The following TMEM132B variants were observed in gnomAD, a reference collection of about 807,000 sequenced individuals.
The protein encoded by TMEM132B is transmembrane protein 132B.
A neutral mutation model predicts 90.8 loss-of-function variants in TMEM132B; 18 were observed. The observed-to-expected ratio is 0.20, with a 90% CI of 0.14 to 0.29. TMEM132B has a LOEUF of 0.29. Ranked by LOEUF, TMEM132B falls within the 10% of genes least tolerant of loss-of-function variation. The probability of loss-of-function intolerance (pLI) is 1.00; values close to 1 mark genes in which losing one functional copy is unlikely to be tolerated. For missense variants in TMEM132B, 1,096 were observed against 1,326.8 expected, an observed-to-expected ratio of 0.83 and a Z score of 2.70; for synonymous variants, 504 against 523.3, an observed-to-expected ratio of 0.96 and a Z score of 0.50.
chr12:125,512,254 G>C (rs552750743), intron 3 of TMEM132B, among the ~76,000 whole-genome samples: 1 of 152,182 alleles, frequency 6.6e-6, no homozygotes, highest in Non-Finnish European at 1.5e-5. Context: ...GCCCCAGCTG[G>C]TTATTACCAC....
chr12:125,573,125 C>T (rs1884843478), intron 4 of TMEM132B, among the ~76,000 whole-genome samples: 1 of 152,106 alleles, frequency 6.6e-6, no homozygotes, highest in African/African-American at 2.4e-5. Flanking sequence ...TTATTGGAGA[C>T]TGGTTTTTAG....
intron 2 of TMEM132B, among the ~76,000 whole-genome samples, chr12:125,373,855 G>T (rs958638553): frequency 6.6e-6 from 1 of 152,152 alleles, no homozygotes; most frequent in Non-Finnish European, 1.5e-5. Flanking sequence ...AGTTCAGTGG[G>T]GTGATCTTGG....
At chr12:125,435,555 G>A (rs763428131) in intron 3 of TMEM132B, among the ~76,000 whole-genome samples, 7 of 152,226 alleles carry the variant, frequency 4.6e-5, no homozygotes, top group Non-Finnish European at 7.3e-5. Context: ...CCTCCCAAGA[G>A]CCAGGCACTA....
At chr12:125,241,578 T>A (rs566045137) in intron 1 of TMEM132B, among the ~76,000 whole-genome samples, 2 of 152,320 alleles carry the variant, frequency 1.3e-5, no homozygotes, top group East Asian at 3.9e-4. Context: ...TGTACGACAG[T>A]GGGTTTCCAG....
chr12:125,523,612 C>A (rs929510028), intron 4 of TMEM132B, among the ~76,000 whole-genome samples: 3 of 152,238 alleles, frequency 2.0e-5, no homozygotes, highest in African/African-American at 7.2e-5. Context: ...TATTTTCCTA[C>A]CACACTTGCT....
In TMEM132B at chr12:125,573,499, A is replaced by G. The variant is rs192399195; in HGVS notation, c.1294-10352A>G. ...GGAAAACAAACCTAACTAGAATTCAATCTGTGTTTACAGTTATTTTTATCT... is the reference window on the plus strand; with the variant it reads ...GGAAAACAAACCTAACTAGAATTCAGTCTGTGTTTACAGTTATTTTTATCT... On this transcript the variant is annotated intron_variant, in intron 4 of 8. Transcript: ENST00000682704. 4.3e-4 allele frequency among the ~76,000 whole-genome samples: 65 copies of G among 152,342 alleles called. 1 individual carries two copies. Among genetic ancestry groups the G allele is most frequent in the Admixed American group, 2.6e-3 (40 of 15,304 alleles).
chr12:125,349,367 G>A lies in TMEM132B; in HGVS notation c.68-85G>A. ...AACAGTGGCCAGTGGGCGGTTTGTT[G>A]GGGAGGTGGGTGGAGACTGCACTGC... On this transcript the variant is annotated intron_variant, in intron 1 of 8. Coordinates refer to ENST00000682704, the MANE Select transcript of TMEM132B (RefSeq NM_001366854.1). This position sits in a 1 kb window ranked among gnomAD's most constrained non-coding sequence, Gnocchi z 4.1. 1 of 1,467,302 alleles carries A rather than the reference G, an allele frequency of 6.8e-7. No homozygotes were observed. 90.9% of individuals were successfully genotyped at this position (1,467,302 alleles called of 1,614,324 possible). A position where few individuals can be genotyped will look rare whatever the true frequency, so the allele number is the denominator to read the frequency against.
chr12:125,651,134 C>A (rs1431204151), intron 7 of TMEM132B, among the ~76,000 whole-genome samples, 181 bp downstream of exon 7: 1 of 152,216 alleles, frequency 6.6e-6, no homozygotes, highest in Non-Finnish European at 1.5e-5. Flanking sequence ...ATAGAGCATT[C>A]ACCAATTTTA....
At chr12:125,593,588 C>G (rs1235826825) in intron 5 of TMEM132B, among the ~76,000 whole-genome samples, 1 of 152,094 alleles carries the variant, frequency 6.6e-6, no homozygotes, top group Non-Finnish European at 1.5e-5. Flanking sequence ...CAGGCCTGAT[C>G]CAATATGGCT....
chr12:125,645,700 T>C (rs1886748938), intron 6 of TMEM132B, among the ~76,000 whole-genome samples: 1 of 152,192 alleles, frequency 6.6e-6, no homozygotes. Context: ...AACTTGTGAA[T>C]CTCTGTGTAG....
At position 125,415,754 on chromosome 12, in the gene TMEM132B, G is replaced by A; in HGVS notation, c.1106+77G>A. 2 of 1,556,194 alleles carry A rather than the reference G, an allele frequency of 1.3e-6. No homozygotes were observed. Among genetic ancestry groups the A allele is most frequent in the Non-Finnish European group, 1.7e-6 (2 of 1,150,264 alleles). On this transcript the variant is annotated intron_variant, in intron 3 of 8. Coordinates refer to ENST00000682704, the MANE Select transcript of TMEM132B (RefSeq NM_001366854.1). The surrounding 1 kb of genome is among the most constrained non-coding windows in gnomAD (Gnocchi z 5.3). ...CTGCCAGAGCTGATAGCAAAATAAT[G>A]TGCGTGTGGATAAAGCGATGCCTCT... is the stretch of plus-strand genomic sequence containing the variant.
At chr12:125,366,520 A>G (rs1423259768) in intron 2 of TMEM132B, among the ~76,000 whole-genome samples, 2 of 152,138 alleles carry the variant, frequency 1.3e-5, no homozygotes, top group African/African-American at 4.8e-5. Flanking sequence ...ATAATTTCTG[A>G]TAAGAAGTCA....
intron 3 of TMEM132B, among the ~76,000 whole-genome samples, chr12:125,504,796 G>A (rs1465777159): frequency 6.6e-6 from 1 of 152,060 alleles, no homozygotes; most frequent in Non-Finnish European, 1.5e-5. Flanking sequence ...CCCATGCAGG[G>A]AAGCTGAATT....
chr12:125,320,952 A>G (rs918297769), intron 1 of TMEM132B, among the ~76,000 whole-genome samples: 2 of 152,230 alleles, frequency 1.3e-5, no homozygotes, highest in African/African-American at 2.4e-5. Context: ...GAGCTCATTT[A>G]TAACTTTATT....
intron 1 of TMEM132B, among the ~76,000 whole-genome samples, chr12:125,223,029 G>A (rs1873594933): frequency 6.6e-6 from 1 of 152,224 alleles, no homozygotes; most frequent in African/African-American, 2.4e-5. Context: ...AATCTTGCAA[G>A]AAATGTAGGA....
At chr12:125,299,908 A>G (rs2136159898) in intron 1 of TMEM132B, among the ~76,000 whole-genome samples, 1 of 152,326 alleles carries the variant, frequency 6.6e-6, no homozygotes, top group South Asian at 2.1e-4. Flanking sequence ...CAATCAGATT[A>G]TGCCATTTCC....
At position 125,213,427 on chromosome 12, in the gene TMEM132B, C is replaced by T. The variant is rs901510786; in HGVS notation, c.67+26561C>T. Among the ~76,000 whole-genome samples the T allele has an allele frequency of 4.6e-5, 7 of 152,208 alleles. No homozygotes were observed. Among genetic ancestry groups the T allele is most frequent in the Non-Finnish European group, 7.3e-5 (5 of 68,040 alleles). On this transcript the variant is annotated intron_variant, in intron 1 of 8. Coordinates refer to ENST00000682704, the MANE Select transcript of TMEM132B (RefSeq NM_001366854.1). The surrounding 1 kb of genome is among the most constrained non-coding windows in gnomAD (Gnocchi z 4.2). Reference sequence around the variant, plus strand: ...GTTTGAGCACCTGTTTTCATTCTTTCTGGTATACCTGGGTAATTTTTAAAA... The same window carrying T: ...GTTTGAGCACCTGTTTTCATTCTTTTTGGTATACCTGGGTAATTTTTAAAA...
intron 3 of TMEM132B, among the ~76,000 whole-genome samples, chr12:125,439,388 A>G (rs527568691): frequency 1.3e-4 from 20 of 152,086 alleles, no homozygotes; most frequent in Non-Finnish European, 2.1e-4. Context: ...TTTCACCTCC[A>G]TAGTTAGCTG....
intron 3 of TMEM132B, among the ~76,000 whole-genome samples, chr12:125,464,559 C>T (rs1566044290): frequency 6.6e-6 from 1 of 152,218 alleles, no homozygotes; most frequent in Non-Finnish European, 1.5e-5. Context: ...CCCTGGTACA[C>T]ACAGCATCTA....
Sources: gnomAD v4.1 joint callset for allele counts (sites outside exome capture counted in the v4.1 genomes callset) on GRCh38, gnomAD v4.1.1 for gene constraint, Gnocchi (gnomAD v3.1) non-coding constraint, MANE v1.5 for transcripts, NCBI Gene and HGNC (gene_info 2026-07-23, HGNC 2026-07-21) for gene names.